The following TMC5 variants were observed in gnomAD, a reference collection of about 807,000 sequenced individuals.
The protein encoded by TMC5 is transmembrane channel-like protein 5.
TMC5 carries 86 observed loss-of-function variants against 110.5 expected under a neutral mutation model. The ratio of observed to expected loss-of-function variants is 0.78; its 90% confidence interval spans 0.65 to 0.93. TMC5 has a LOEUF of 0.93. TMC5 is among the 40% of genes least tolerant of loss of function. TMC5 has a pLI of 0.00. For synonymous variants in TMC5, 455 were observed against 439.5 expected, an observed-to-expected ratio of 1.04 and a Z score of -0.44; for missense variants, 1,144 against 1,222.8, an observed-to-expected ratio of 0.94 and a Z score of 0.96.
At chr16:19,465,988 T>G in intron 8 of TMC5, 94 bp from the exon 9 acceptor site, 1 of 1,362,670 alleles carries the variant, frequency 7.3e-7, no homozygotes, top group Non-Finnish European at 1.0e-6. Context: ...GGCCCAGGCT[T>G]CTTGTATTCA....
chr16:19,472,311 G>T, intron 11 of TMC5, 68 bp downstream of exon 11: 2 of 1,568,720 alleles, frequency 1.3e-6, no homozygotes, highest in Non-Finnish European at 1.7e-6. Context: ...GGGGAAGGGT[G>T]GTGTGCAGCC....
intron 13 of TMC5, among the ~76,000 whole-genome samples, chr16:19,479,085 T>C (rs1968554075): frequency 6.6e-6 from 1 of 152,218 alleles, no homozygotes; most frequent in African/African-American, 2.4e-5. Flanking sequence ...TTGGCACTTC[T>C]GGCTCTGTTG....
rs1968185081 is a variant in TMC5, at chr16:19,466,171, G to C, written c.1575G>C (p.Gln525His). ...ACAGCGGGGCATCCTACAACATGCA[G>C]CTGGCCTACATCTTCACAATCGGAG... Reference protein sequence around the residue: ...HGNSGASYNMQLAYIFTIGAC... With the variant: ...HGNSGASYNMHLAYIFTIGAC... Residue 525 changes from glutamine to histidine, a missense_variant, in exon 9 of 22, where the codon CAG (glutamine) becomes CAC (histidine). By Grantham distance (24) the Gln-to-His change is conservative. Transcript: ENST00000542583. 1.2e-6 allele frequency: 2 copies of C among 1,614,100 alleles called. No homozygotes were observed. The highest frequency in any genetic ancestry group is 4.5e-5 in the East Asian group (2 of 44,884).
intron 19 of TMC5, among the ~76,000 whole-genome samples, chr16:19,492,965 T>G (rs1968952864): frequency 8.8e-6 from 1 of 114,116 alleles, no homozygotes. Context: ...TTATTTCATT[T>G]ATTTATTTAT....
At chr16:19,486,041 A>C (rs1968732429) in intron 15 of TMC5, among the ~76,000 whole-genome samples, 1 of 152,170 alleles carries the variant, frequency 6.6e-6, no homozygotes, top group Non-Finnish European at 1.5e-5. Context: ...TTCTCTATAA[A>C]ATCTCTTTTC....
chr16:19,477,324 C>G, intron 12 of TMC5, 116 bp from the exon 13 acceptor site: 2 of 764,802 alleles, frequency 2.6e-6, no homozygotes, highest in East Asian at 5.1e-5. Flanking sequence ...ATGTGCCCCC[C>G]TCCAACCACA....
rs199972708 is a variant in TMC5 at position 19,497,107 on chromosome 16, T to G, written c.2932-14T>G. 1 of 1,613,898 alleles carries G rather than the reference T, an allele frequency of 6.2e-7. No homozygotes were observed. Among genetic ancestry groups the G allele is most frequent in the East Asian group, 2.2e-5 (1 of 44,876 alleles). ...TTCCTCCGTGACGTGGCTGCTTGTT[T>G]TTTTCTTTTTCAGCAACAAGGCTTT... On this transcript the variant is annotated splice_polypyrimidine_tract_variant and intron_variant, in intron 20 of 21. Coordinates refer to ENST00000542583, the MANE Select transcript of TMC5 (RefSeq NM_001261841.2).
At chr16:19,413,877 G>A (rs972108024), upstream of TMC5, among the ~76,000 whole-genome samples, 2 of 152,108 alleles carry the variant, frequency 1.3e-5, no homozygotes, top group African/African-American at 4.8e-5. Flanking sequence ...ACCTCTCTGT[G>A]CTTCAAATGA....
chr16:19,497,206 C>G, intron 21 of TMC5, 43 bp downstream of exon 21: 3 of 1,578,652 alleles, frequency 1.9e-6, no homozygotes, highest in Non-Finnish European at 1.7e-6. Context: ...TAATTTATTT[C>G]TGGTGAAATA....
chr16:19,458,676 G>T (rs1052313918), intron 5 of TMC5, among the ~76,000 whole-genome samples: 5 of 152,146 alleles, frequency 3.3e-5, no homozygotes, highest in African/African-American at 4.8e-5. Flanking sequence ...TCACACTGCT[G>T]GCTCCCTGGA....
chr16:19,497,807 GA>G, intron 21 of TMC5, 112 bp from the exon 22 acceptor site: 1 of 868,266 alleles, frequency 1.2e-6, no homozygotes, highest in Non-Finnish European at 1.8e-6. Context: ...CTAAAAGGAA[GA>G]GGCAAAGAAG....
At chr16:19,436,930 G>C (rs1261044735) in intron 2 of TMC5, among the ~76,000 whole-genome samples, 2 of 152,130 alleles carry the variant, frequency 1.3e-5, no homozygotes, top group African/African-American at 4.8e-5. Flanking sequence ...TGTAATCCTA[G>C]CACTTTGGGA....
At chr16:19,421,399 G>A (rs111820606) in intron 1 of TMC5, among the ~76,000 whole-genome samples, 22 of 152,040 alleles carry the variant, frequency 1.4e-4, no homozygotes, top group Non-Finnish European at 2.6e-4. Context: ...ATGGGAACAC[G>A]AGATCTGACG....
At chr16:19,445,767 G>A (rs1967600301) in intron 4 of TMC5, among the ~76,000 whole-genome samples, 1 of 152,106 alleles carries the variant, frequency 6.6e-6, no homozygotes, top group African/African-American at 2.4e-5. Flanking sequence ...AGGTCTGGAA[G>A]AAGGCAGAGA....
chr16:19,479,632 G>A (rs551331608), intron 14 of TMC5, 104 bp downstream of exon 14: 588 of 794,988 alleles, frequency 7.4e-4, no homozygotes, highest in Non-Finnish European at 1.0e-3. Flanking sequence ...CAAAGCGTGC[G>A]TTGTTCCAAG....
intron 1 of TMC5, among the ~76,000 whole-genome samples, chr16:19,423,051 C>A (rs1219989232): frequency 6.6e-6 from 1 of 152,206 alleles, no homozygotes; most frequent in Non-Finnish European, 1.5e-5. Flanking sequence ...TGGAGCCCAG[C>A]AGTTAGAGGC....
intron 1 of TMC5, among the ~76,000 whole-genome samples, chr16:19,425,327 CTTTTTTT>C (rs35472194): frequency 8.0e-6 from 1 of 124,586 alleles, no homozygotes; most frequent in African/African-American, 2.9e-5. Flanking sequence ...GTTGAGTTTG[CTTTTTTT>C]TTTTTTTTTT....
chr16:19,474,072 A>G (rs1968419754), intron 11 of TMC5, 53 bp from the exon 12 acceptor site: 1 of 1,539,326 alleles, frequency 6.5e-7, no homozygotes, highest in South Asian at 1.3e-5. Flanking sequence ...AGTGAAGCAG[A>G]AAGGGGTACA....
upstream of TMC5, among the ~76,000 whole-genome samples, chr16:19,412,900 A>G (rs1966859780): frequency 6.6e-6 from 1 of 152,204 alleles, no homozygotes; most frequent in South Asian, 2.1e-4. Context: ...GTTGCAGTGC[A>G]GTGGCACAAT....
Sources: allele counts gnomAD v4.1 joint callset (sites outside exome capture counted in the v4.1 genomes callset), GRCh38; gene constraint gnomAD v4.1.1; transcripts MANE v1.5; gene names NCBI Gene and HGNC (gene_info 2026-07-23, HGNC 2026-07-21).